The following NUP188 variants were observed in gnomAD, a reference collection of about 807,000 sequenced individuals.
NUP188 encodes nucleoporin 188.
NUP188 carries 97 observed loss-of-function variants against 223.0 expected under a neutral mutation model. The ratio of observed to expected loss-of-function variants is 0.43; its 90% CI spans 0.37 to 0.51. The LOEUF (loss-of-function observed/expected upper bound fraction) is 0.51. Among genes scored for constraint, NUP188 ranks in the 20% least tolerant of loss-of-function variants. The pLI, the probability that NUP188 is intolerant of heterozygous loss-of-function variation, is 0.00. For missense variants in NUP188, 1,947 were observed against 2,175.6 expected, an observed-to-expected ratio of 0.89 and a Z score of 2.09; for synonymous variants, 869 against 828.0, an observed-to-expected ratio of 1.05 and a Z score of -0.85.
chr9:129,002,964 C>A lies in NUP188; in HGVS notation c.4285C>A (p.Arg1429=). ...GGACTTCGTGGGTGTCCACCAGGAG[C>A]GGACCTTACAGGTGAGGGGCTGCCT... ...ALDFVGVHQE[R]TLQCLNAVRT... The change falls in exon 37 of 44, where the codon CGG becomes AGG. Residue 1429 remains arginine (R), a synonymous_variant. Transcript: ENST00000372577. 1.2e-6 allele frequency: 2 copies of A among 1,614,044 alleles called. No individual in the cohort carries two copies. Among genetic ancestry groups the A allele is most frequent in the Non-Finnish European group, 1.7e-6 (2 of 1,180,006 alleles).
chr9:128,964,598 T>C (rs995646959), intron 8 of NUP188, among the ~76,000 whole-genome samples: 2 of 150,870 alleles, frequency 1.3e-5, no homozygotes, highest in Non-Finnish European at 3.0e-5. Flanking sequence ...CTTAAGCTCC[T>C]GAGCTCAAAT....
rs1842699027 is a variant in NUP188 at position 129,002,927 on chromosome 9, G to C, written c.4248G>C (p.Leu1416=). ...TCAAAACTCTGCGCTACAACTTCCT[G>C]CCTGAGGCCCTGGACTTCGTGGGTG... ...QLLKTLRYNF[L]PEALDFVGVH... Residue 1416 remains leucine (L), a synonymous_variant, in exon 37 of 44, where the codon CTG becomes CTC. Coordinates refer to ENST00000372577, the MANE Select transcript of NUP188 (RefSeq NM_015354.3). 6.2e-7 allele frequency: 1 copy of C among 1,614,194 alleles called. No individual in the cohort carries two copies. The highest frequency in any genetic ancestry group is 8.5e-7 in the Non-Finnish European group (1 of 1,180,028).
At position 128,988,145 on chromosome 9, in the gene NUP188, C is replaced by A. The variant is rs780493541; in HGVS notation, c.2492C>A (p.Ser831Tyr). The A allele has an allele frequency of 3.1e-6, 5 of 1,614,222 alleles. No individual in the cohort carries two copies. The highest frequency in any genetic ancestry group is 4.2e-6 in the Non-Finnish European group (5 of 1,180,010). Residue 831 changes from serine (S) to tyrosine (Y), a missense_variant, in exon 24 of 44, where the codon TCT becomes TAT. Coordinates refer to ENST00000372577, the MANE Select transcript of NUP188 (RefSeq NM_015354.3). ...TNNVIRLKPP[S>Y]NVVSPLEQAL... ...AATGTTATTCGGCTGAAACCTCCTT[C>A]TAATGTGGTGTCCCCCCTGGAACAG...
chr9:129,005,646 C>T lies in NUP188; in HGVS notation c.4739C>T (p.Ser1580Phe). 1 of 1,613,354 alleles carries T rather than the reference C, an allele frequency of 6.2e-7. No homozygotes were observed. ...PDVCQILLDQSLDLAEYNFLF... is the reference protein window; with the variant it reads ...PDVCQILLDQFLDLAEYNFLF... ...GATGGCTCTTGTCTTTTCTCGCAGT[C>T]CCTGGACCTTGCTGAATACAACTTC... Residue 1580 changes from serine to phenylalanine, a missense_variant and splice_region_variant, in exon 41 of 44, where the codon TCC (serine) becomes TTC (phenylalanine). By Grantham distance (155) the Ser-to-Phe change is radical. This residue lies in a region of NUP188 where 905 missense variants were observed against 990.6 expected (regional missense o/e 0.91). Transcript: ENST00000372577.
In NUP188 at chr9:128,999,249, T is replaced by G; in HGVS notation, c.3593T>G (p.Leu1198Arg). ...LEGVLQADQQLMEKTKAKVFS... is the reference protein window; with the variant it reads ...LEGVLQADQQRMEKTKAKVFS... The stretch of plus-strand genomic sequence containing the variant: ...GGAGTGCTGCAGGCCGACCAGCAAC[T>G]CATGGAGAAGACCAAGGCCAAGGTG... The change falls in exon 33 of 44, where the codon CTC becomes CGC. Residue 1198 changes from leucine (L) to arginine (R), a missense_variant. Physicochemically the swap from Leu to Arg is moderately radical, Grantham distance 102. Coordinates refer to ENST00000372577, the MANE Select transcript of NUP188 (RefSeq NM_015354.3). 1 of 1,614,120 alleles carries G rather than the reference T, an allele frequency of 6.2e-7. No individual in the cohort carries two copies.
chr9:128,997,327 T>C (rs1842545782), intron 30 of NUP188, among the ~76,000 whole-genome samples: 1 of 152,082 alleles, frequency 6.6e-6, no homozygotes, highest in South Asian at 2.1e-4. Context: ...TGTGGGGTCT[T>C]TGGACCATGT....
chr9:128,952,268 GTGCGCC>G (rs1841800150), intron 2 of NUP188, among the ~76,000 whole-genome samples: 1 of 152,024 alleles, frequency 6.6e-6, no homozygotes, highest in African/African-American at 2.4e-5. Flanking sequence ...GCATGGTGGC[GTGCGCC>G]TGTAGTCCCA....
rs1564560280 is a variant in NUP188 at position 128,984,886 on chromosome 9, ACTT to A, written c.1962-10_1962-8del. 1.9e-6 allele frequency: 3 copies of A among 1,555,068 alleles called. No homozygotes were observed. The highest frequency in any genetic ancestry group is 4.5e-5 in the East Asian group (2 of 44,304). On this transcript the variant is annotated splice_polypyrimidine_tract_variant and intron_variant, in intron 19 of 43. Coordinates refer to ENST00000372577, the MANE Select transcript of NUP188 (RefSeq NM_015354.3). ...TTTCCCTATCATTTTTTTTCCCTCT[ACTT>A]CTTTTTCCAGTGCGGAAGGGATGAA...
intron 13 of NUP188, among the ~76,000 whole-genome samples, chr9:128,979,972 T>C (rs777841536): frequency 9.9e-5 from 15 of 152,158 alleles, no homozygotes; most frequent in Non-Finnish European, 1.3e-4. Flanking sequence ...ATGGCAGTGT[T>C]TTAGACACCA....
In NUP188 at chr9:129,001,561, G is replaced by C. The variant is rs1330559687; in HGVS notation, c.3876G>C (p.Glu1292Asp). ...TCCTGGGCCTGCACCTGGCCAAGGA[G>C]CTGTGTGAGGTAGACGAGGATGGTG... is the stretch of plus-strand genomic sequence containing the variant. ...VCVLGLHLAK[E>D]LCEVDEDGDS... is the part of the protein sequence containing the mutation. The change falls in exon 35 of 44, where the codon GAG becomes GAC. Residue 1292 changes from glutamate to aspartate, a missense_variant. Physicochemically the swap from Glu to Asp is conservative, Grantham distance 45. Coordinates refer to ENST00000372577, the MANE Select transcript of NUP188 (RefSeq NM_015354.3). 6.2e-7 allele frequency: 1 copy of C among 1,614,014 alleles called. No individual in the cohort carries two copies. The highest frequency in any genetic ancestry group is 1.7e-5 in the Admixed American group (1 of 60,012).
In NUP188 at chr9:128,986,487, A is replaced by G. The variant is rs1017608309; in HGVS notation, c.2077-71A>G. 12 of 1,528,394 alleles carry G rather than the reference A, an allele frequency of 7.9e-6. No individual in the cohort carries two copies. The African/African-American group carries it at 1.4e-4, about 18-fold the overall frequency. The allele number at this position is 1,528,394 out of a possible 1,614,324, so 94.7% of individuals were successfully genotyped here. On this transcript the variant is annotated intron_variant, in intron 20 of 43. Transcript: ENST00000372577. ...CTTTGGACCTATCTATGGTTTTGGA[A>G]TTAAATCTCTAGGTAACTAAATGAC...
intron 3 of NUP188, among the ~76,000 whole-genome samples, chr9:128,954,032 G>A (rs1447793806): frequency 6.6e-6 from 1 of 151,844 alleles, no homozygotes; most frequent in Non-Finnish European, 1.5e-5. Context: ...GTTTCACCAT[G>A]TTGGCCAGGC....
At chr9:128,967,432 ATTGG>A in intron 8 of NUP188, among the ~76,000 whole-genome samples, 1 of 152,232 alleles carries the variant, frequency 6.6e-6, no homozygotes, top group South Asian at 2.1e-4. Flanking sequence ...AGGTGGGAAG[ATTGG>A]TTGAGCCCAG....
intron 27 of NUP188, 48 bp from the exon 28 acceptor site, chr9:128,994,325 C>A: frequency 7.6e-7 from 1 of 1,307,398 alleles, no homozygotes; most frequent in Non-Finnish European, 1.1e-6. Context: ...GAGAAAATGA[C>A]TGTGAGAGGG....
At chr9:128,981,495 C>CCAAGAA in intron 15 of NUP188, 105 bp downstream of exon 15, 1 of 1,192,058 alleles carries the variant, frequency 8.4e-7, no homozygotes, top group Non-Finnish European at 1.2e-6. Flanking sequence ...TCACTGCAGC[C>CCAAGAA]TCAAATTCTT....
intron 2 of NUP188, among the ~76,000 whole-genome samples, chr9:128,949,483 C>G (rs1841746490): frequency 6.6e-6 from 1 of 151,730 alleles, no homozygotes; most frequent in African/African-American, 2.4e-5. Flanking sequence ...CAGGCATGCA[C>G]CACCACGCCC....
intron 25 of NUP188, chr9:128,992,960 G>A (rs1269814200): frequency 1.9e-6 from 1 of 524,736 alleles, no homozygotes; most frequent in Non-Finnish European, 3.4e-6. Context: ...TTTTCAGTTT[G>A]TATTTATTTA....
At chr9:128,953,134 C>T (rs1841818169) in intron 3 of NUP188, among the ~76,000 whole-genome samples, 1 of 152,176 alleles carries the variant, frequency 6.6e-6, no homozygotes, top group Non-Finnish European at 1.5e-5. Context: ...TCAGAGTCCA[C>T]AGTGTCTGTG....
At chr9:129,005,890 C>G in intron 41 of NUP188, 114 bp downstream of exon 41, 2 of 1,442,390 alleles carry the variant, frequency 1.4e-6, no homozygotes, top group Non-Finnish European at 1.9e-6. Flanking sequence ...AAGCCTGCTC[C>G]TCTCTGTAAA....
Sources: gnomAD v4.1 joint callset for allele counts (sites outside exome capture counted in the v4.1 genomes callset) on GRCh38, gnomAD v4.1.1 for gene constraint, gnomAD v4.1.1 regional missense constraint, MANE v1.5 for transcripts, NCBI Gene and HGNC (gene_info 2026-07-23, HGNC 2026-07-21) for gene names.